METTL8: variants seen among roughly 807,000 people sequenced by gnomAD.
The protein encoded by METTL8 is tRNA N(3)-cytidine methyltransferase METTL8, mitochondrial.
Under a neutral mutation model 48.7 loss-of-function variants are expected in METTL8, and 32 were observed. The ratio of observed to expected loss-of-function variants is 0.66; its 90% CI spans 0.50 to 0.88. The LOEUF (loss-of-function observed/expected upper bound fraction) is 0.88. Among genes scored for constraint, METTL8 ranks in the 40% least tolerant of loss-of-function variants. METTL8 has a pLI of 0.00. For synonymous variants in METTL8, 136 were observed against 157.1 expected, an observed-to-expected ratio of 0.87 and a Z score of 1.01; for missense variants, 464 against 474.4, an observed-to-expected ratio of 0.98 and a Z score of 0.20.
intron 2 of METTL8, among the ~76,000 whole-genome samples, chr2:171,371,836 CTATTATTAT>C (rs4027587): frequency 0.019 from 2,730 of 143,830 alleles, 80 homozygotes; most frequent in African/African-American, 0.063. Flanking sequence ...GTTATTATTA[CTATTATTAT>C]TATTATTATT....
intron 5 of METTL8, 112 bp from the exon 6 acceptor site, chr2:171,331,979 G>A (rs1685587897): frequency 1.5e-6 from 1 of 689,196 alleles, no homozygotes; most frequent in Admixed American, 2.5e-5. Flanking sequence ...TTGAGCTCCT[G>A]GACTCTAGCG....
chr2:171,426,245 C>T (rs1003651128), intron 1 of METTL8, among the ~76,000 whole-genome samples: 2 of 151,700 alleles, frequency 1.3e-5, no homozygotes, highest in Non-Finnish European at 2.9e-5. Flanking sequence ...TAAATTTATA[C>T]AAGGAAATAC....
intron 1 of METTL8, among the ~76,000 whole-genome samples, chr2:171,392,482 C>CTTTGATCAG (rs1379753463): frequency 2.0e-5 from 3 of 152,104 alleles, no homozygotes; most frequent in African/African-American, 7.2e-5. Flanking sequence ...TAATTTTTAG[C>CTTTGATCAG]ACATGATCAA....
In METTL8 at chr2:171,318,972, G is replaced by A. The variant is rs1339463729; in HGVS notation, c.*5200C>T. 6.6e-6 allele frequency: 1 copy of A among 151,910 alleles called. No individual in the cohort carries two copies. The highest frequency in any genetic ancestry group is 2.4e-5 in the African/African-American group (1 of 41,362). The allele number at this position is 151,910 out of a possible 1,614,324, so 9.4% of individuals were successfully genotyped here. ...TGGTTATCATCAAAATGAATTCCTA[G>A]GAGTTTGAGGATTAAATAATGTGTA... On this transcript the variant is annotated 3_prime_UTR_variant, in exon 10 of 10. Transcript: ENST00000375258.
chr2:171,326,208 G>T, intron 7 of METTL8, 60 bp from the exon 8 acceptor site: 1 of 902,648 alleles, frequency 1.1e-6, no homozygotes. Flanking sequence ...TTATATGCTG[G>T]ATTTAACTTT....
intron 3 of METTL8, among the ~76,000 whole-genome samples, chr2:171,345,530 T>C (rs1356193938): frequency 1.3e-5 from 2 of 152,310 alleles, no homozygotes; most frequent in South Asian, 4.1e-4. Context: ...GAGCACTGCA[T>C]AAAATTTTAA....
chr2:171,366,971 T>A (rs1685793357), intron 2 of METTL8, among the ~76,000 whole-genome samples: 1 of 150,734 alleles, frequency 6.6e-6, no homozygotes. Flanking sequence ...ATGACAGATG[T>A]AGAAATTATT....
chr2:171,373,373 G>GA (rs1686583625), intron 2 of METTL8, among the ~76,000 whole-genome samples: 1 of 152,156 alleles, frequency 6.6e-6, no homozygotes, highest in Admixed American at 6.5e-5. Flanking sequence ...GTAGATTCTG[G>GA]ATATTAGCCC....
upstream of METTL8, chr2:171,434,718 G>T: frequency 6.9e-7 from 1 of 1,446,614 alleles, no homozygotes; most frequent in Non-Finnish European, 9.0e-7. Context: ...CCGCCAGCCG[G>T]CCGGGGCGGG....
In METTL8 at chr2:171,321,715, A is replaced by G. The variant is rs966505424; in HGVS notation, c.*2457T>C. The G allele has an allele frequency of 6.6e-6, 1 of 152,138 alleles. No homozygotes were observed. The highest frequency in any genetic ancestry group is 2.4e-5 in the African/African-American group (1 of 41,438). 9.4% of individuals were successfully genotyped at this position (152,138 alleles called of 1,614,324 possible). A position where few individuals can be genotyped will look rare whatever the true frequency, so the allele number is the denominator to read the frequency against. ...TTTGAGTGTTTGTATATTGTCTTAG[A>G]TCATGATTTACAGGTTTGGGATATG... On this transcript the variant is annotated 3_prime_UTR_variant, in exon 10 of 10. Coordinates refer to ENST00000375258, the MANE Select transcript of METTL8 (RefSeq NM_001321154.2).
chr2:171,379,291 C>G (rs1000596619), intron 2 of METTL8, among the ~76,000 whole-genome samples: 1 of 152,158 alleles, frequency 6.6e-6, no homozygotes, highest in Admixed American at 6.5e-5. Flanking sequence ...CACTAAATGC[C>G]CACATTGGAA....
chr2:171,345,384 T>A (rs1032989329), intron 3 of METTL8, among the ~76,000 whole-genome samples: 1 of 152,194 alleles, frequency 6.6e-6, no homozygotes, highest in Non-Finnish European at 1.5e-5. Context: ...AAAAAGCAAT[T>A]TAAAGTTATT....
intron 1 of METTL8, among the ~76,000 whole-genome samples, chr2:171,395,591 A>C (rs1688986582): frequency 6.6e-6 from 1 of 152,204 alleles, no homozygotes; most frequent in Admixed American, 6.5e-5. Flanking sequence ...TATTATAGAG[A>C]TAAAGAGGGG....
intron 2 of METTL8, among the ~76,000 whole-genome samples, chr2:171,383,167 G>A (rs1236783745): frequency 6.6e-6 from 1 of 152,030 alleles, no homozygotes; most frequent in Non-Finnish European, 1.5e-5. Context: ...AGGGCAAGAG[G>A]AATCAGATGA....
rs147125007 is a variant in METTL8, at chr2:171,319,359, G to C, written c.*4813C>G. Reference sequence around the variant, plus strand: ...GGTCGATTAGTGATGCAAATGTGAAGTTATCTGCACTTGTGAGGAGCATAA... The same window carrying C: ...GGTCGATTAGTGATGCAAATGTGAACTTATCTGCACTTGTGAGGAGCATAA... On this transcript the variant is annotated 3_prime_UTR_variant, in exon 10 of 10. Coordinates refer to ENST00000375258, the MANE Select transcript of METTL8 (RefSeq NM_001321154.2). 6.6e-6 allele frequency: 1 copy of C among 152,366 alleles called. No individual in the cohort carries two copies. The highest frequency in any genetic ancestry group is 1.5e-5 in the Non-Finnish European group (1 of 68,038). The allele number at this position is 152,366 out of a possible 1,614,324, so 9.4% of individuals were successfully genotyped here. A position where few individuals can be genotyped will look rare whatever the true frequency, so the allele number is the denominator to read the frequency against.
chr2:171,337,578 A>C, intron 4 of METTL8, 76 bp from the exon 5 acceptor site: 1 of 1,120,126 alleles, frequency 8.9e-7, no homozygotes, highest in Non-Finnish European at 1.3e-6. Context: ...TCTCCTATTA[A>C]AGAAAAAAAC....
At chr2:171,407,349 T>C (rs1438174970) in intron 1 of METTL8, among the ~76,000 whole-genome samples, 1 of 149,270 alleles carries the variant, frequency 6.7e-6, no homozygotes. Context: ...GGGGGGGAAA[T>C]GGAAAGAAAC....
At chr2:171,326,320 A>C in intron 7 of METTL8, 172 bp from the exon 8 acceptor site, 1 of 544,336 alleles carries the variant, frequency 1.8e-6, no homozygotes, top group Non-Finnish European at 3.2e-6. Context: ...GAAAAAACCA[A>C]AACCAACTTG....
chr2:171,429,237 A>AT (rs1358412551), intron 1 of METTL8, among the ~76,000 whole-genome samples: 6 of 152,346 alleles, frequency 3.9e-5, no homozygotes, highest in Middle Eastern at 6.8e-3. Context: ...GTGTATTGCT[A>AT]AACAAGTGGT....
Sources: allele counts gnomAD v4.1 joint callset (sites outside exome capture counted in the v4.1 genomes callset), GRCh38; gene constraint gnomAD v4.1.1; transcripts MANE v1.5; gene names NCBI Gene and HGNC (gene_info 2026-07-23, HGNC 2026-07-21).